Variants in CADM2 observed in about 807,000 individuals in gnomAD.
The protein encoded by CADM2 is immunoglobulin superfamily member 4D.
Under a neutral mutation model 49.8 loss-of-function variants are expected in CADM2, and 12 were observed. That is an observed-to-expected ratio of 0.24 (90% CI 0.15 to 0.39). The LOEUF (loss-of-function observed/expected upper bound fraction) is 0.39. Among genes scored for constraint, CADM2 ranks in the 10% least tolerant of loss-of-function variants. The pLI is 1.00. For missense variants in CADM2, 378 were observed against 492.3 expected, an observed-to-expected ratio of 0.77 and a Z score of 2.20; for synonymous variants, 214 against 175.4, an observed-to-expected ratio of 1.22 and a Z score of -1.74.
intron 1 of CADM2, among the ~76,000 whole-genome samples, chr3:85,302,893 C>T (rs533586752): frequency 2.6e-5 from 4 of 151,962 alleles, no homozygotes; most frequent in Admixed American, 1.3e-4. Flanking sequence ...AATAACCAGA[C>T]AGCATTTGGG....
chr3:85,363,122 A>C (rs1340542703), intron 1 of CADM2, among the ~76,000 whole-genome samples: 2 of 152,202 alleles, frequency 1.3e-5, no homozygotes, highest in African/African-American at 4.8e-5. Context: ...ACAGCACTGC[A>C]CAGGAAGTAG....
At chr3:85,743,071 G>A (rs999742306) in intron 2 of CADM2, among the ~76,000 whole-genome samples, 1 of 151,970 alleles carries the variant, frequency 6.6e-6, no homozygotes, top group African/African-American at 2.4e-5. Flanking sequence ...AATAATAAAA[G>A]CCCCTGAAGC....
intron 1 of CADM2, among the ~76,000 whole-genome samples, chr3:85,391,997 C>A (rs1270851294): frequency 6.6e-6 from 1 of 151,996 alleles, no homozygotes; most frequent in Non-Finnish European, 1.5e-5. Context: ...TTACAAGCTT[C>A]CTGTCATATT....
At chr3:85,761,546 T>G (rs765633587) in intron 2 of CADM2, among the ~76,000 whole-genome samples, 1 of 151,482 alleles carries the variant, frequency 6.6e-6, no homozygotes, top group Non-Finnish European at 1.5e-5. Flanking sequence ...CCAGCTAATT[T>G]TTGTATTTTT....
At chr3:85,259,871 T>G (rs2042975342) in intron 1 of CADM2, among the ~76,000 whole-genome samples, 1 of 152,108 alleles carries the variant, frequency 6.6e-6, no homozygotes, top group Non-Finnish European at 1.5e-5. Flanking sequence ...TGTAATTGTG[T>G]TTTGAGAACT....
chr3:85,745,170 A>G (rs540464335), intron 2 of CADM2, among the ~76,000 whole-genome samples: 1 of 152,316 alleles, frequency 6.6e-6, no homozygotes, highest in South Asian at 2.1e-4. Context: ...TTTCTACCTC[A>G]GTGGCTTTTG....
chr3:85,897,753 A>G (rs117743989), intron 5 of CADM2, among the ~76,000 whole-genome samples: 51 of 152,298 alleles, frequency 3.3e-4, no homozygotes, highest in Admixed American at 1.8e-3. Flanking sequence ...GGACTCATTT[A>G]ACATCAGTTG....
intron 1 of CADM2, among the ~76,000 whole-genome samples, chr3:85,287,833 A>C (rs1197172206): frequency 6.6e-6 from 1 of 152,036 alleles, no homozygotes; most frequent in African/African-American, 2.4e-5. Context: ...AAATCTCAGC[A>C]AACTATCGCA....
At chr3:85,745,150 G>T (rs1426262861) in intron 2 of CADM2, among the ~76,000 whole-genome samples, 1 of 152,128 alleles carries the variant, frequency 6.6e-6, no homozygotes, top group Non-Finnish European at 1.5e-5. Flanking sequence ...ATTGTTAAAA[G>T]CCCAAGCAAT....
chr3:85,537,494 T>G (rs79269550), intron 1 of CADM2, among the ~76,000 whole-genome samples: 1 of 85,486 alleles, frequency 1.2e-5, no homozygotes. Context: ...GCATGGTTGT[T>G]TGTGTGTGTG....
intron 1 of CADM2, among the ~76,000 whole-genome samples, chr3:85,704,363 A>C: frequency 6.6e-6 from 1 of 152,196 alleles, no homozygotes; most frequent in East Asian, 1.9e-4. Flanking sequence ...CTGCTGTAAC[A>C]GAGTACAAAA....
intron 1 of CADM2, among the ~76,000 whole-genome samples, chr3:85,233,301 A>G (rs990618262): frequency 1.3e-5 from 2 of 152,098 alleles, no homozygotes; most frequent in Admixed American, 6.6e-5. Context: ...ATTCTGTGTA[A>G]CACCAAAATG....
At chr3:86,042,419 T>C (rs572332545) in intron 8 of CADM2, among the ~76,000 whole-genome samples, 1 of 152,082 alleles carries the variant, frequency 6.6e-6, no homozygotes, top group Non-Finnish European at 1.5e-5. Flanking sequence ...CCCACAGAAA[T>C]ACAAACTACC....
chr3:85,371,494 A>G (rs972400412), intron 1 of CADM2, among the ~76,000 whole-genome samples: 2 of 151,830 alleles, frequency 1.3e-5, no homozygotes, highest in Non-Finnish European at 2.9e-5. Context: ...CTAGGTGTGC[A>G]GTAGGCTATA....
At chr3:85,032,983 CT>C (rs1394102590) in intron 1 of CADM2, among the ~76,000 whole-genome samples, 2 of 151,834 alleles carry the variant, frequency 1.3e-5, no homozygotes, top group African/African-American at 4.8e-5. Flanking sequence ...CTCTATATAT[CT>C]TTTTTTAGTT....
chr3:85,568,396 C>CCTCTTTCTTTCTTTTTCTTTCTTTCT lies in CADM2; in HGVS notation c.62-158112_62-158111insTTCTTTCTTTCTCTCTTTCTTTCTTT, dbSNP rs1396603775. Among the ~76,000 whole-genome samples, 17 of 102,662 alleles carry CCTCTTTCTTTCTTTTTCTTTCTTTCT rather than the reference C, an allele frequency of 1.7e-4. 4 individuals carry two copies. In the South Asian group the frequency reaches 2.4e-3, roughly 15 times the overall value. The allele number at this position is 102,662 out of a possible 152,430, so 67.4% of individuals were successfully genotyped here. A position where few individuals can be genotyped will look rare whatever the true frequency, so the allele number is the denominator to read the frequency against. On this transcript the variant is annotated intron_variant, in intron 1 of 9. Coordinates refer to ENST00000383699, the MANE Select transcript of CADM2 (RefSeq NM_001167675.2). ...TGTTACCTACAATCTTTCCTTCCTC[C>CCTCTTTCTTTCTTTTTCTTTCTTTCT]CTCTTTCTTTCTTTCTTTCTTTCTT...
chr3:84,967,686 T>G (rs762240720), intron 1 of CADM2, among the ~76,000 whole-genome samples: 36 of 151,984 alleles, frequency 2.4e-4, no homozygotes, highest in Non-Finnish European at 3.7e-4. Context: ...TTAAAATAAA[T>G]TAATGGGGAA....
At chr3:84,974,097 G>A (rs1238524423) in intron 1 of CADM2, among the ~76,000 whole-genome samples, 2 of 152,026 alleles carry the variant, frequency 1.3e-5, no homozygotes, top group Admixed American at 6.6e-5. Context: ...TAACTTTGAT[G>A]ATCCCAAGAT....
intron 8 of CADM2, among the ~76,000 whole-genome samples, chr3:86,025,840 A>G (rs1485089280): frequency 6.6e-6 from 1 of 152,170 alleles, no homozygotes; most frequent in Non-Finnish European, 1.5e-5. Context: ...AGAAAAAAAT[A>G]CTTACTTGTT....
Sources: gnomAD v4.1 joint callset for allele counts (sites outside exome capture counted in the v4.1 genomes callset) on GRCh38, gnomAD v4.1.1 for gene constraint, MANE v1.5 for transcripts, NCBI Gene and HGNC (gene_info 2026-07-23, HGNC 2026-07-21) for gene names.